The following NEK11 variants were observed in gnomAD, a reference collection of about 807,000 sequenced individuals.
NEK11 encodes the protein NIMA related kinase 11.
In NEK11, 72 loss-of-function variants were observed where a neutral mutation model predicts 80.7. The ratio of observed to expected loss-of-function variants is 0.89; its 90% CI spans 0.74 to 1.08. The LOEUF is 1.08. Ranked by LOEUF, NEK11 falls within the 50% of genes least tolerant of loss-of-function variation. The probability of loss-of-function intolerance (pLI) is 0.00; values close to 1 mark genes in which losing one functional copy is unlikely to be tolerated. For synonymous variants in NEK11, 251 were observed against 260.7 expected (o/e 0.96, Z 0.36); for missense variants, 764 against 763.6 (o/e 1.00, Z -0.01).
chr3:131,070,807 T>C (rs578183562), intron 3 of NEK11, among the ~76,000 whole-genome samples: 6 of 152,318 alleles, frequency 3.9e-5, no homozygotes, highest in East Asian at 3.8e-4. Context: ...TTCTTCAGAA[T>C]TGATGGTCTG....
intron 17 of NEK11, among the ~76,000 whole-genome samples, chr3:131,334,824 G>A (rs2097154328): frequency 6.6e-6 from 1 of 152,186 alleles, no homozygotes; most frequent in Non-Finnish European, 1.5e-5. Context: ...ATTACCATCA[G>A]AGAATACTAC....
At chr3:131,167,798 T>TTTTCATCCTCA (rs2150020324) in intron 12 of NEK11, among the ~76,000 whole-genome samples, 1 of 152,256 alleles carries the variant, frequency 6.6e-6, no homozygotes, top group African/African-American at 2.4e-5. Flanking sequence ...TGACTTCCCA[T>TTTTCATCCTCA]TTTCATCCCC....
intron 5 of NEK11, among the ~76,000 whole-genome samples, chr3:131,114,250 C>G (rs1228913694): frequency 6.6e-6 from 1 of 151,788 alleles, no homozygotes; most frequent in African/African-American, 2.4e-5. Context: ...TTTTTAAATC[C>G]AAAGGAATGA....
At chr3:131,291,365 A>T (rs114365527) in intron 17 of NEK11, among the ~76,000 whole-genome samples, 2,531 of 152,278 alleles carry the variant, frequency 0.017, 68 homozygotes, top group African/African-American at 0.057. Flanking sequence ...AGTTTTGACA[A>T]CTATAAATAA....
At chr3:131,067,890 T>C (rs1333285250) in intron 3 of NEK11, among the ~76,000 whole-genome samples, 1 of 152,226 alleles carries the variant, frequency 6.6e-6, no homozygotes, top group Non-Finnish European at 1.5e-5. Context: ...ATTTTCTTCA[T>C]AGTATTTTAA....
rs2095259436 is a variant in NEK11 at position 131,228,529 on chromosome 3, G to T, written c.1401G>T (p.Glu467Asp). 2 of 1,602,030 alleles carry T rather than the reference G, an allele frequency of 1.2e-6. No individual in the cohort carries two copies. The highest frequency in any genetic ancestry group is 2.2e-5 in the East Asian group (1 of 44,780). ...EDATSDLGYH[E>D]IPEDPLVAEE... ...CTGACTGTTTGTTCATTATTTCAGAGATCCCAGAAGACCCACTTGTGGCTG... is the reference window on the plus strand; with the variant it reads ...CTGACTGTTTGTTCATTATTTCAGATATCCCAGAAGACCCACTTGTGGCTG... The change falls in exon 15 of 18, where the codon GAG (glutamate) becomes GAT (aspartate). Residue 467 changes from glutamate (E) to aspartate (D), a missense_variant and splice_region_variant. Coordinates refer to ENST00000383366, the MANE Select transcript of NEK11 (RefSeq NM_024800.5).
intron 15 of NEK11, among the ~76,000 whole-genome samples, chr3:131,230,061 A>T (rs2095299941): frequency 6.6e-6 from 1 of 152,196 alleles, no homozygotes; most frequent in South Asian, 2.1e-4. Context: ...CAGAGCCTTC[A>T]TTCTGGGCCT....
At chr3:131,204,658 A>G (rs561111157) in intron 14 of NEK11, among the ~76,000 whole-genome samples, 15 of 151,814 alleles carry the variant, frequency 9.9e-5, no homozygotes, top group Non-Finnish European at 2.1e-4. Context: ...CAGAGGAAAA[A>G]TGGTTTGAGG....
chr3:131,142,434 A>C (rs2087141978), intron 7 of NEK11, among the ~76,000 whole-genome samples: 1 of 150,600 alleles, frequency 6.6e-6, no homozygotes, highest in African/African-American at 2.4e-5. Context: ...TCTGTCCATC[A>C]TAAAAGAGCC....
chr3:131,187,320 A>G (rs2093638548), intron 14 of NEK11, among the ~76,000 whole-genome samples: 1 of 152,200 alleles, frequency 6.6e-6, no homozygotes, highest in Non-Finnish European at 1.5e-5. Context: ...ATTGGGCAGC[A>G]CTGTTCCAGA....
chr3:131,228,474 C>G, intron 14 of NEK11, 54 bp from the exon 15 acceptor site: 4 of 1,467,720 alleles, frequency 2.7e-6, no homozygotes, highest in Admixed American at 2.0e-5. Flanking sequence ...AGTATTCTTA[C>G]CTCATTATAA....
intron 17 of NEK11, among the ~76,000 whole-genome samples, chr3:131,332,878 C>T (rs1484370624): frequency 2.0e-5 from 3 of 151,826 alleles, no homozygotes; most frequent in African/African-American, 4.8e-5. Context: ...TGATGGAAGA[C>T]TAAATGAATG....
chr3:131,115,915 T>TTTCTTTCA (rs2080982078), intron 5 of NEK11, among the ~76,000 whole-genome samples: 1 of 70,898 alleles, frequency 1.4e-5, no homozygotes, highest in Non-Finnish European at 2.9e-5. Context: ...TCTTTCTTTC[T>TTTCTTTCA]TTCTTTCTTT....
At chr3:131,085,863 A>G (rs1050229039) in intron 4 of NEK11, among the ~76,000 whole-genome samples, 10 of 152,184 alleles carry the variant, frequency 6.6e-5, no homozygotes, top group Non-Finnish European at 1.2e-4. Flanking sequence ...AGGATTCTAC[A>G]TTGCATTTAG....
At chr3:131,276,888 G>A (rs992634376) in intron 17 of NEK11, among the ~76,000 whole-genome samples, 1 of 152,110 alleles carries the variant, frequency 6.6e-6, no homozygotes, top group African/African-American at 2.4e-5. Context: ...ATACAAGCCA[G>A]GATCACACAT....
intron 5 of NEK11, among the ~76,000 whole-genome samples, chr3:131,118,402 C>T (rs903182726): frequency 2.0e-5 from 3 of 151,904 alleles, no homozygotes; most frequent in East Asian, 3.9e-4. Context: ...ATTTTTGCAT[C>T]GATGTTCCTC....
intron 17 of NEK11, among the ~76,000 whole-genome samples, chr3:131,349,146 C>T (rs2097414238): frequency 6.6e-6 from 1 of 152,172 alleles, no homozygotes; most frequent in East Asian, 1.9e-4. Context: ...TCAAATGACA[C>T]TTCCTCAGAA....
chr3:131,345,363 A>G (rs2097347131), intron 17 of NEK11, among the ~76,000 whole-genome samples: 2 of 152,054 alleles, frequency 1.3e-5, no homozygotes, highest in African/African-American at 4.8e-5. Flanking sequence ...CAAATAACTC[A>G]ATTTTTAAAA....
chr3:131,236,471 G>C (rs957537265), intron 15 of NEK11, among the ~76,000 whole-genome samples: 1 of 152,112 alleles, frequency 6.6e-6, no homozygotes, highest in African/African-American at 2.4e-5. Flanking sequence ...AAACCCTAAA[G>C]CAATCCCACA....
Sources: gnomAD v4.1 joint callset for allele counts (sites outside exome capture counted in the v4.1 genomes callset) on GRCh38, gnomAD v4.1.1 for gene constraint, MANE v1.5 for transcripts, NCBI Gene and HGNC (gene_info 2026-07-23, HGNC 2026-07-21) for gene names.